UGCG: variants seen among roughly 807,000 people sequenced by gnomAD.
UGCG encodes the protein ceramide glucosyltransferase.
In UGCG, 10 loss-of-function variants were observed where a neutral mutation model predicts 49.5. That is an observed-to-expected ratio of 0.20 (90% confidence interval 0.12 to 0.34). UGCG has a LOEUF of 0.34. UGCG is among the 10% of genes least tolerant of loss of function. The pLI is 1.00. For synonymous variants in UGCG, 182 were observed against 158.2 expected (o/e 1.15, Z -1.13); for missense variants, 312 against 483.7 (o/e 0.65, Z 3.33).
At chr9:111,924,688 A>G (rs774667359) in intron 3 of UGCG, 89 bp from the exon 4 acceptor site, 38 of 502,348 alleles carry the variant, frequency 7.6e-5, no homozygotes, top group Non-Finnish European at 1.3e-4. Flanking sequence ...TAAATATGCA[A>G]GTATTCTCAT....
At chr9:111,931,418 T>C (rs1838422796) in intron 7 of UGCG, 61 bp downstream of exon 7, 1 of 1,499,726 alleles carries the variant, frequency 6.7e-7, no homozygotes, top group Non-Finnish European at 9.2e-7. Context: ...GGGGTGGTAA[T>C]TTTTACAGGT....
In UGCG at chr9:111,928,752, A is replaced by G. The variant is rs141413119; in HGVS notation, c.559-748A>G. 2.8e-4 allele frequency among the ~76,000 whole-genome samples: 42 copies of G among 152,346 alleles called. No individual in the cohort carries two copies. In the East Asian group the frequency reaches 7.5e-3, roughly 27 times the overall value. ...GATGACTACTCTTTATTTCAGGCTAATTAGAAAAGGCAACATATCTGAGGT... is the reference window on the plus strand; with the variant it reads ...GATGACTACTCTTTATTTCAGGCTAGTTAGAAAAGGCAACATATCTGAGGT... On this transcript the variant is annotated intron_variant, in intron 5 of 8. Transcript: ENST00000374279.
At position 111,914,713 on chromosome 9, in the gene UGCG, C is replaced by T. The variant is rs966191203; in HGVS notation, c.207C>T (p.Asn69=). 10 of 1,613,908 alleles carry T rather than the reference C, an allele frequency of 6.2e-6. No individual in the cohort carries two copies. The highest frequency in any genetic ancestry group is 6.8e-6 in the Non-Finnish European group (8 of 1,179,992). ...LKGVDPNLIN[N]LETFFELDYP... ...GGGTAGATCCTAACTTAATCAACAA[C>T]CTGGAAACATTCTTTGAATTGGATT... The change falls in exon 2 of 9, where the codon AAC becomes AAT. Residue 69 remains asparagine (N), a synonymous_variant. Coordinates refer to ENST00000374279, the MANE Select transcript of UGCG (RefSeq NM_003358.3).
At chr9:111,915,240 C>G (rs949989124) in intron 2 of UGCG, among the ~76,000 whole-genome samples, 1 of 152,178 alleles carries the variant, frequency 6.6e-6, no homozygotes, top group Non-Finnish European at 1.5e-5. Context: ...CCTTACTGTT[C>G]TGATTTTAAT....
chr9:111,931,122 G>A (rs1210000114), intron 6 of UGCG, 149 bp from the exon 7 acceptor site: 2 of 647,818 alleles, frequency 3.1e-6, no homozygotes, highest in East Asian at 2.9e-5. Context: ...ACGTATGGTA[G>A]ACCTTAAGTC....
chr9:111,927,676 C>G (rs531998131), intron 5 of UGCG, among the ~76,000 whole-genome samples: 1 of 152,240 alleles, frequency 6.6e-6, no homozygotes, highest in Admixed American at 6.5e-5. Flanking sequence ...TGGTCTCGAT[C>G]TCCTGACCTC....
At chr9:111,914,402 A>G (rs751071054) in intron 1 of UGCG, among the ~76,000 whole-genome samples, 1 of 152,208 alleles carries the variant, frequency 6.6e-6, no homozygotes, top group Non-Finnish European at 1.5e-5. Context: ...TGTTTTAAGA[A>G]AGTTTATGAA....
intron 1 of UGCG, among the ~76,000 whole-genome samples, chr9:111,902,700 C>T (rs1374422972): frequency 2.0e-5 from 3 of 152,132 alleles, no homozygotes; most frequent in African/African-American, 7.2e-5. Flanking sequence ...AAAAACAACA[C>T]ATTCTGGGGT....
intron 8 of UGCG, 28 bp downstream of exon 8, chr9:111,932,387 C>T: frequency 6.3e-7 from 1 of 1,592,800 alleles, no homozygotes; most frequent in Non-Finnish European, 8.6e-7. Context: ...AAAAGGTTGG[C>T]AGTCCCTTGG....
Position 111,932,965 on chromosome 9 carries a change from G to C in UGCG, c.1153G>C (p.Gly385Arg), listed in dbSNP as rs764163430. 1 of 1,607,466 alleles carries C rather than the reference G, an allele frequency of 6.2e-7. No individual in the cohort carries two copies. The highest frequency in any genetic ancestry group is 8.5e-7 in the Non-Finnish European group (1 of 1,176,518). Reference sequence around the variant, plus strand: ...AACTGGTCGCTACAGATTACGCTGTGGGGGTACAGCAGAGGAAATCCTAGA... The same window carrying C: ...AACTGGTCGCTACAGATTACGCTGTCGGGGTACAGCAGAGGAAATCCTAGA... ...WRTGRYRLRC[G>R]GTAEEILDV The change falls in exon 9 of 9, where the codon GGG becomes CGG. Residue 385 changes from glycine to arginine, a missense_variant. Gly to Arg is a moderately radical substitution (Grantham distance 125). Transcript: ENST00000374279.
intron 1 of UGCG, among the ~76,000 whole-genome samples, chr9:111,906,342 A>T (rs1042451891): frequency 3.3e-5 from 5 of 152,096 alleles, no homozygotes; most frequent in African/African-American, 9.7e-5. Context: ...CAATACCATC[A>T]TCAGTTATTG....
At chr9:111,900,515 C>G (rs1008395855) in intron 1 of UGCG, among the ~76,000 whole-genome samples, 1 of 151,854 alleles carries the variant, frequency 6.6e-6, no homozygotes, top group African/African-American at 2.4e-5. Context: ...TTCTTTGATA[C>G]AGGGTCTTGC....
At chr9:111,927,559 C>T (rs1838340126) in intron 5 of UGCG, among the ~76,000 whole-genome samples, 1 of 151,982 alleles carries the variant, frequency 6.6e-6, no homozygotes, top group African/African-American at 2.4e-5. Flanking sequence ...TCACGCCATT[C>T]TCCTGCCTCA....
intron 5 of UGCG, chr9:111,929,142 C>T (rs991777445): frequency 6.8e-5 from 13 of 191,904 alleles, no homozygotes; most frequent in East Asian, 3.3e-4. Flanking sequence ...CACACATATA[C>T]GTAACATACA....
At chr9:111,923,858 T>C (rs2118576642) in intron 3 of UGCG, among the ~76,000 whole-genome samples, 1 of 152,338 alleles carries the variant, frequency 6.6e-6, no homozygotes. Flanking sequence ...CTCGAACTGC[T>C]GACCTCAGGT....
chr9:111,915,881 A>G, intron 2 of UGCG: 14 of 956,540 alleles, frequency 1.5e-5, no homozygotes, highest in Non-Finnish European at 1.7e-5. Flanking sequence ...TAGTGTTTTT[A>G]TATTATTGCT....
At position 111,929,489 on chromosome 9, in the gene UGCG, T is replaced by G. The variant is rs376832557; in HGVS notation, c.559-11T>G. The G allele has an allele frequency of 6.9e-6, 11 of 1,603,804 alleles. No individual in the cohort carries two copies. The highest frequency in any genetic ancestry group is 6.8e-6 in the Non-Finnish European group (8 of 1,174,962). Reference sequence around the variant, plus strand: ...AATTCTAATCATACACGTTTGTGGTTTTTTGGGCAGGTATATTTTGGAACT... The same window carrying G: ...AATTCTAATCATACACGTTTGTGGTGTTTTGGGCAGGTATATTTTGGAACT... On this transcript the variant is annotated splice_polypyrimidine_tract_variant and intron_variant, in intron 5 of 8. Coordinates refer to ENST00000374279, the MANE Select transcript of UGCG (RefSeq NM_003358.3).
At chr9:111,932,111 A>G (rs1401286455) in intron 7 of UGCG, 59 bp from the exon 8 acceptor site, 2 of 1,522,356 alleles carry the variant, frequency 1.3e-6, no homozygotes, top group South Asian at 2.5e-5. Context: ...GGGAAAAAAA[A>G]AAGGATTTGT....
At chr9:111,923,069 G>A in intron 3 of UGCG, 118 bp downstream of exon 3, 1 of 566,416 alleles carries the variant, frequency 1.8e-6, no homozygotes, top group Non-Finnish European at 2.9e-6. Flanking sequence ...GTTTGTTGGA[G>A]TACTGAGAGG....
Sources: gnomAD v4.1 joint callset for allele counts (sites outside exome capture counted in the v4.1 genomes callset) on GRCh38, gnomAD v4.1.1 for gene constraint, MANE v1.5 for transcripts, NCBI Gene and HGNC (gene_info 2026-07-23, HGNC 2026-07-21) for gene names.